SDK1: variants seen among roughly 807,000 people sequenced by gnomAD.
SDK1 encodes the protein sidekick cell adhesion molecule 1.
A neutral mutation model predicts 245.5 loss-of-function variants in SDK1; 157 were observed. The ratio of observed to expected loss-of-function variants is 0.64; its 90% CI spans 0.56 to 0.73. The LOEUF is 0.73. Among genes scored for constraint, SDK1 ranks in the 30% least tolerant of loss-of-function variants. The probability of loss-of-function intolerance (pLI) is 0.00; values close to 1 mark genes in which losing one functional copy is unlikely to be tolerated. For missense variants in SDK1, 3,583 were observed against 3,002.3 expected (o/e 1.19, Z -4.52); for synonymous variants, 1,647 against 1,278.5 (o/e 1.29, Z -6.15).
chr7:3,502,184 A>G (rs1316915165), intron 1 of SDK1, among the ~76,000 whole-genome samples: 2 of 152,046 alleles, frequency 1.3e-5, no homozygotes, highest in East Asian at 1.9e-4. Flanking sequence ...GAATTTTGAC[A>G]TTAGTAAAAT....
intron 35 of SDK1, among the ~76,000 whole-genome samples, chr7:4,187,045 G>A (rs1782937332): frequency 6.6e-6 from 1 of 152,164 alleles, no homozygotes; most frequent in Non-Finnish European, 1.5e-5. Flanking sequence ...AGTGGGGCTT[G>A]GGACCCATCT....
At position 3,301,600 on chromosome 7, in the gene SDK1, C is replaced by T; in HGVS notation, c.14C>T (p.Ala5Val). Residue 5 changes from alanine to valine, a missense_variant, in exon 1 of 45, where the codon GCC (alanine) becomes GTC (valine). By Grantham distance (64) the Ala-to-Val change is moderately conservative (BLOSUM62 0). Transcript: ENST00000404826. ...CGGCTGCTCGGCATGGCCCGGGGCG[C>T]CCGGCCCTCGGCGGCCGGTGGCGGC... MARGARPSAAGGGGG... is the reference protein window; with the variant it reads MARGVRPSAAGGGGG... The T allele has an allele frequency of 2.1e-6, 2 of 974,534 alleles. No individual in the cohort carries two copies. The highest frequency in any genetic ancestry group is 1.2e-6 in the Non-Finnish European group (1 of 824,264). 60.4% of individuals were successfully genotyped at this position (974,534 alleles called of 1,614,324 possible).
intron 1 of SDK1, among the ~76,000 whole-genome samples, chr7:3,456,733 A>G (rs759876761): frequency 6.6e-6 from 1 of 151,912 alleles, no homozygotes; most frequent in Non-Finnish European, 1.5e-5. Context: ...TTCTCACTCA[A>G]GTTGTGATTC....
chr7:3,456,373 A>G (rs1261516295), intron 1 of SDK1, among the ~76,000 whole-genome samples: 3 of 152,062 alleles, frequency 2.0e-5, no homozygotes, highest in Non-Finnish European at 4.4e-5. Flanking sequence ...TTGCTTTTGT[A>G]TTACAGGCTC....
intron 40 of SDK1, among the ~76,000 whole-genome samples, chr7:4,229,953 G>A (rs1010113138): frequency 1.3e-5 from 2 of 151,552 alleles, no homozygotes; most frequent in African/African-American, 4.9e-5. Flanking sequence ...GGAATGCAGG[G>A]GTTGGGGGTG....
intron 20 of SDK1, among the ~76,000 whole-genome samples, chr7:4,074,912 A>ATTTTTTT (rs1410736866): frequency 1.3e-5 from 1 of 76,574 alleles, no homozygotes; most frequent in African/African-American, 1.0e-4. Flanking sequence ...ATATATATAT[A>ATTTTTTT]TATATTTTTT....
At chr7:3,909,662 T>G (rs1779091163) in intron 5 of SDK1, among the ~76,000 whole-genome samples, 1 of 152,230 alleles carries the variant, frequency 6.6e-6, no homozygotes, top group Non-Finnish European at 1.5e-5. Context: ...GAGGCTGTAT[T>G]ATGTCTAAGG....
At chr7:4,197,873 C>T (rs1297836400) in intron 35 of SDK1, among the ~76,000 whole-genome samples, 2 of 152,208 alleles carry the variant, frequency 1.3e-5, no homozygotes, top group African/African-American at 4.8e-5. Context: ...TCATAGACGA[C>T]AGATGCTTGC....
At chr7:3,721,354 C>T (rs187559900) in intron 4 of SDK1, among the ~76,000 whole-genome samples, 1 of 152,268 alleles carries the variant, frequency 6.6e-6, no homozygotes, top group East Asian at 1.9e-4. Context: ...AGTTACTCAG[C>T]ACGATGTTGG....
rs369264845 is a variant in SDK1 at position 3,553,243 on chromosome 7, A to T, written c.299-65837A>T. Among the ~76,000 whole-genome samples, 21 of 152,304 alleles carry T rather than the reference A, an allele frequency of 1.4e-4. No individual in the cohort carries two copies. In the East Asian group the frequency reaches 3.7e-3, roughly 27 times the overall value. On this transcript the variant is annotated intron_variant, in intron 1 of 44. Transcript: ENST00000404826. ...AATGCATTATCTACTTAATGTTCAT[A>T]GCAATCTAGGAGGCAGTTATTTTCC...
chr7:3,497,754 CTTTTGA>C (rs1782070199), intron 1 of SDK1, among the ~76,000 whole-genome samples: 1 of 152,150 alleles, frequency 6.6e-6, no homozygotes, highest in African/African-American at 2.4e-5. Flanking sequence ...CCATGGAGAG[CTTTTGA>C]TTTTGTTTCC....
chr7:4,191,926 A>G (rs1026652050), intron 35 of SDK1, among the ~76,000 whole-genome samples: 10 of 152,216 alleles, frequency 6.6e-5, no homozygotes, highest in Non-Finnish European at 1.2e-4. Context: ...CCAGAACAGC[A>G]GATTTGAAAG....
At chr7:4,047,626 C>G (rs1212169129) in intron 17 of SDK1, among the ~76,000 whole-genome samples, 8 of 152,226 alleles carry the variant, frequency 5.3e-5, no homozygotes, top group Non-Finnish European at 1.2e-4. Context: ...TCTTGTAGCT[C>G]ACATTCAGCC....
chr7:3,953,865 G>T (rs543253447), intron 7 of SDK1, among the ~76,000 whole-genome samples: 6 of 152,302 alleles, frequency 3.9e-5, no homozygotes, highest in Admixed American at 1.3e-4. Context: ...TGCTGTAGCA[G>T]GTAGGATTTT....
intron 1 of SDK1, among the ~76,000 whole-genome samples, chr7:3,542,215 C>A (rs545505395): frequency 1.6e-4 from 24 of 152,130 alleles, no homozygotes; most frequent in Non-Finnish European, 3.2e-4. Context: ...TGGCCTGATA[C>A]ACATAGCTTA....
chr7:3,331,544 G>C (rs1780069460), intron 1 of SDK1, among the ~76,000 whole-genome samples: 1 of 151,936 alleles, frequency 6.6e-6, no homozygotes, highest in Admixed American at 6.5e-5. Flanking sequence ...TGCTTTATCA[G>C]GTATGATTTT....
At chr7:3,450,925 A>G (rs1780494046) in intron 1 of SDK1, among the ~76,000 whole-genome samples, 1 of 152,164 alleles carries the variant, frequency 6.6e-6, no homozygotes, top group South Asian at 2.1e-4. Context: ...AGTTTTGCGG[A>G]AGCCAAAGGA....
chr7:3,667,654 A>T (rs982287796), intron 4 of SDK1, among the ~76,000 whole-genome samples: 1 of 152,170 alleles, frequency 6.6e-6, no homozygotes, highest in South Asian at 2.1e-4. Flanking sequence ...TTCTGTCCCT[A>T]TAGTTTTGCA....
chr7:3,980,175 C>T (rs1187837824), intron 13 of SDK1, among the ~76,000 whole-genome samples: 2 of 152,230 alleles, frequency 1.3e-5, no homozygotes, highest in East Asian at 1.9e-4. Flanking sequence ...ATCTGATCCT[C>T]TTCTGCCAGA....
Sources: allele counts gnomAD v4.1 joint callset (sites outside exome capture counted in the v4.1 genomes callset), GRCh38; gene constraint gnomAD v4.1.1; transcripts MANE v1.5; gene names NCBI Gene and HGNC (gene_info 2026-07-23, HGNC 2026-07-21).